Variants in SAMD4A observed in about 807,000 individuals in gnomAD.
SAMD4A encodes sterile alpha motif domain containing 4A, also known as protein Smaug homolog 1.
Under a neutral mutation model 81.3 loss-of-function variants are expected in SAMD4A, and 33 were observed. That is an observed-to-expected ratio of 0.41 (90% CI 0.31 to 0.54). The LOEUF (loss-of-function observed/expected upper bound fraction) is 0.54, where lower values mean the gene tolerates loss of function less well. SAMD4A is among the 20% of genes least tolerant of loss of function. SAMD4A has a pLI of 0.37. For synonymous variants in SAMD4A, 389 were observed against 382.1 expected (o/e 1.02, Z -0.21); for missense variants, 854 against 951.1 (o/e 0.90, Z 1.34).
intron 3 of SAMD4A, among the ~76,000 whole-genome samples, chr14:54,717,265 A>AC (rs2037141255): frequency 6.6e-6 from 1 of 151,780 alleles, no homozygotes; most frequent in African/African-American, 2.4e-5. Context: ...ACATAGCTAG[A>AC]CCCCTATCTC....
intron 2 of SAMD4A, among the ~76,000 whole-genome samples, chr14:54,644,099 G>C (rs1393649705): frequency 6.6e-6 from 1 of 152,144 alleles, no homozygotes; most frequent in Non-Finnish European, 1.5e-5. Context: ...CTGTGATTCA[G>C]GGTAAGCTAA....
intron 2 of SAMD4A, among the ~76,000 whole-genome samples, chr14:54,699,375 C>G (rs2036655559): frequency 6.6e-6 from 1 of 152,122 alleles, no homozygotes. Context: ...AGTCAGGGAG[C>G]TGGGAGGGAC....
intron 9 of SAMD4A, among the ~76,000 whole-genome samples, chr14:54,774,346 AGCT>A (rs2139930658): frequency 6.6e-6 from 1 of 152,352 alleles, no homozygotes; most frequent in African/African-American, 2.4e-5. Flanking sequence ...CTCAGATGTT[AGCT>A]GCTGTTTTAA....
At chr14:54,643,921 G>A (rs889792526) in intron 2 of SAMD4A, among the ~76,000 whole-genome samples, 1 of 152,146 alleles carries the variant, frequency 6.6e-6, no homozygotes. Flanking sequence ...CTAATGTAGG[G>A]CAGGTGGGAG....
intron 2 of SAMD4A, among the ~76,000 whole-genome samples, chr14:54,568,582 A>G (rs2033021978): frequency 6.6e-6 from 1 of 151,066 alleles, no homozygotes; most frequent in Non-Finnish European, 1.5e-5. Flanking sequence ...GAGTACATGA[A>G]AATCCAATTT....
intron 3 of SAMD4A, among the ~76,000 whole-genome samples, chr14:54,736,311 T>G (rs2037689354): frequency 6.6e-6 from 1 of 152,210 alleles, no homozygotes; most frequent in African/African-American, 2.4e-5. Flanking sequence ...AATGAAAGCC[T>G]TGTTACCTGG....
intron 3 of SAMD4A, 139 bp downstream of exon 3, chr14:54,702,719 G>A: frequency 2.9e-6 from 3 of 1,027,578 alleles, no homozygotes; most frequent in Non-Finnish European, 2.9e-6. Flanking sequence ...TGTGGGAAAG[G>A]TCCTTTGGAC....
rs2039265374 is a variant in SAMD4A at position 54,791,900 on chromosome 14, T to C, written c.*2956T>C. 1 of 152,218 alleles carries C rather than the reference T, an allele frequency of 6.6e-6. No homozygotes were observed. The allele number at this position is 152,218 out of a possible 1,614,324, so 9.4% of individuals were successfully genotyped here. A position where few individuals can be genotyped will look rare whatever the true frequency, so the allele number is the denominator to read the frequency against. On this transcript the variant is annotated 3_prime_UTR_variant, in exon 13 of 13. Transcript: ENST00000554335. ...CCCACCAAATGCAACTGTTTTATAT[T>C]AAGAAAATAGTAACAATTTTAAAAT...
Position 54,639,528 on chromosome 14 carries a change from C to T in SAMD4A, c.197-62534C>T, listed in dbSNP as rs369457803. Among the ~76,000 whole-genome samples the T allele has an allele frequency of 5.9e-5, 9 of 152,326 alleles. No individual in the cohort carries two copies. In the East Asian group the frequency reaches 1.2e-3, roughly 20 times the overall value. On this transcript the variant is annotated intron_variant, in intron 2 of 12. Coordinates refer to ENST00000554335, the MANE Select transcript of SAMD4A (RefSeq NM_015589.6). ...AAGTGGGGGCCACTCCTCACAGCCA[C>T]GAGCAGCTGGGCCACATGCAGCACT...
intron 3 of SAMD4A, among the ~76,000 whole-genome samples, chr14:54,728,150 C>T (rs2037472794): frequency 6.6e-6 from 1 of 152,126 alleles, no homozygotes; most frequent in Non-Finnish European, 1.5e-5. Flanking sequence ...TTATAATACC[C>T]AAGTAGATGA....
intron 2 of SAMD4A, among the ~76,000 whole-genome samples, chr14:54,580,911 A>T (rs1041122035): frequency 4.6e-5 from 7 of 152,214 alleles, no homozygotes; most frequent in African/African-American, 1.7e-4. Context: ...GGGGTTTACC[A>T]TCTAGGTTGT....
rs531647725 is a variant in SAMD4A at position 54,637,102 on chromosome 14, C to A, written c.197-64960C>A. Among the ~76,000 whole-genome samples the A allele has an allele frequency of 7.2e-5, 11 of 152,040 alleles. No individual in the cohort carries two copies. The East Asian group carries it at 1.9e-3, about 27-fold the overall frequency. On this transcript the variant is annotated intron_variant, in intron 2 of 12. Coordinates refer to ENST00000554335, the MANE Select transcript of SAMD4A (RefSeq NM_015589.6). ...AGAAGAGGCCAGGCCTGGTAGCTCA[C>A]GCCTGTAATCCCAGCACTTTGGGAA...
At chr14:54,728,672 C>G (rs1487666477) in intron 3 of SAMD4A, among the ~76,000 whole-genome samples, 1 of 152,144 alleles carries the variant, frequency 6.6e-6, no homozygotes, top group Non-Finnish European at 1.5e-5. Flanking sequence ...ATCTGCTGTT[C>G]TCCTCCTTTT....
chr14:54,665,283 T>A (rs1453073310), intron 2 of SAMD4A, among the ~76,000 whole-genome samples: 1 of 152,244 alleles, frequency 6.6e-6, no homozygotes, highest in African/African-American at 2.4e-5. Context: ...GGATTCCTAT[T>A]CACCCAGGGA....
intron 4 of SAMD4A, among the ~76,000 whole-genome samples, chr14:54,740,071 G>A (rs768739334): frequency 2.0e-5 from 3 of 152,214 alleles, no homozygotes; most frequent in Non-Finnish European, 4.4e-5. Flanking sequence ...TCTGGAGGCT[G>A]AAACTGGAGA....
At chr14:54,788,887 T>C in intron 12 of SAMD4A, 29 bp from the exon 13 acceptor site, 1 of 1,614,198 alleles carries the variant, frequency 6.2e-7, no homozygotes, top group Non-Finnish European at 8.5e-7. Context: ...TGCTCACCTG[T>C]GCCCATCGTT....
intron 2 of SAMD4A, among the ~76,000 whole-genome samples, chr14:54,651,261 C>T (rs538151629): frequency 3.3e-4 from 51 of 152,250 alleles, no homozygotes; most frequent in Middle Eastern, 3.4e-3. Flanking sequence ...TCAGAAGAAA[C>T]GCATGGTTAT....
At chr14:54,767,988 C>A (rs1289312495) in intron 8 of SAMD4A, among the ~76,000 whole-genome samples, 1 of 152,196 alleles carries the variant, frequency 6.6e-6, no homozygotes, top group African/African-American at 2.4e-5. Context: ...CAGGAAGGCG[C>A]CAACATTCCC....
At chr14:54,681,029 A>G (rs912232169) in intron 2 of SAMD4A, among the ~76,000 whole-genome samples, 3 of 152,242 alleles carry the variant, frequency 2.0e-5, no homozygotes, top group Non-Finnish European at 2.9e-5. Flanking sequence ...TTCCTTTGTA[A>G]GAGAACCAAG....
Sources: allele counts gnomAD v4.1 joint callset (sites outside exome capture counted in the v4.1 genomes callset), GRCh38; gene constraint gnomAD v4.1.1; transcripts MANE v1.5; gene names NCBI Gene and HGNC (gene_info 2026-07-23, HGNC 2026-07-21).